STARD13: variants seen among roughly 807,000 people sequenced by gnomAD.
The protein encoded by STARD13 is stAR-related lipid transfer protein 13.
STARD13 carries 62 observed loss-of-function variants against 106.4 expected under a neutral mutation model. That is an observed-to-expected ratio of 0.58 (90% CI 0.48 to 0.72). The LOEUF (loss-of-function observed/expected upper bound fraction) is 0.72, where lower values mean the gene tolerates loss of function less well. Among genes scored for constraint, STARD13 ranks in the 30% least tolerant of loss-of-function variants. The probability of loss-of-function intolerance (pLI) is 0.00; values close to 1 mark genes in which losing one functional copy is unlikely to be tolerated. For missense variants in STARD13, 1,387 were observed against 1,424.0 expected, an observed-to-expected ratio of 0.97 and a Z score of 0.42; for synonymous variants, 565 against 553.0, an observed-to-expected ratio of 1.02 and a Z score of -0.31.
intron 1 of STARD13, among the ~76,000 whole-genome samples, chr13:33,206,291 AG>A (rs1375622540): frequency 1.3e-5 from 2 of 151,998 alleles, no homozygotes; most frequent in Non-Finnish European, 2.9e-5. Context: ...CTTCACAGGA[AG>A]GGAAGAAGTG....
chr13:33,123,019 G>A (rs1212543610), intron 7 of STARD13, among the ~76,000 whole-genome samples: 2 of 120,654 alleles, frequency 1.7e-5, no homozygotes, highest in Non-Finnish European at 3.2e-5. Flanking sequence ...TCGTGCCACT[G>A]CACTCCAGCC....
At chr13:33,541,009 G>A in the STARD13 span, among the ~76,000 whole-genome samples, 60 of 152,222 alleles carry the variant, frequency 3.9e-4, 1 homozygote, top group Admixed American at 3.5e-3. Context: ...TAAGAGTTGA[G>A]GATATTTGCA....
chr13:33,184,187 T>C (rs1885530391), intron 1 of STARD13, among the ~76,000 whole-genome samples: 1 of 152,210 alleles, frequency 6.6e-6, no homozygotes, highest in African/African-American at 2.4e-5. Flanking sequence ...CTATGATCTC[T>C]GGCCATCTTG....
the STARD13 span, among the ~76,000 whole-genome samples, chr13:33,387,408 G>A: frequency 1.3e-5 from 2 of 152,298 alleles, no homozygotes; most frequent in South Asian, 4.1e-4. Context: ...TCTAGTCTGT[G>A]CCCATGTTTG....
At chr13:33,601,227 T>C in the STARD13 span, among the ~76,000 whole-genome samples, 3 of 151,990 alleles carry the variant, frequency 2.0e-5, no homozygotes, top group Non-Finnish European at 2.9e-5. Context: ...TTTTTTTTTT[T>C]CTGCTGTGGC....
At chr13:33,556,017 T>C in the STARD13 span, among the ~76,000 whole-genome samples, 2 of 152,214 alleles carry the variant, frequency 1.3e-5, no homozygotes, top group Non-Finnish European at 2.9e-5. Flanking sequence ...CAGGGCTCTT[T>C]AGCTAGTGAA....
chr13:33,135,865 G>C (rs1566015218), intron 4 of STARD13, among the ~76,000 whole-genome samples: 1 of 152,198 alleles, frequency 6.6e-6, no homozygotes, highest in Admixed American at 6.5e-5. Context: ...GCTCATGCCT[G>C]TAATCCCAGC....
intron 1 of STARD13, among the ~76,000 whole-genome samples, chr13:33,217,734 A>G (rs1009199429): frequency 1.3e-5 from 2 of 152,156 alleles, no homozygotes; most frequent in East Asian, 3.9e-4. Context: ...AGAAATAAAC[A>G]CCTTCATGAA....
chr13:33,347,348 G>T (rs747858241), downstream of STARD13, among the ~76,000 whole-genome samples: 1 of 152,134 alleles, frequency 6.6e-6, no homozygotes, highest in Non-Finnish European at 1.5e-5. Flanking sequence ...TGATTCTCAT[G>T]CCTCAGCCTC....
chr13:33,274,536 C>T (rs966837771), intron 1 of STARD13, among the ~76,000 whole-genome samples: 1 of 152,204 alleles, frequency 6.6e-6, no homozygotes, highest in African/African-American at 2.4e-5. Context: ...TCATTCAAAG[C>T]ATTACCATGT....
the STARD13 span, among the ~76,000 whole-genome samples, chr13:33,660,196 G>A: frequency 6.6e-6 from 1 of 152,142 alleles, no homozygotes. Flanking sequence ...TGTACTTGTG[G>A]GGGTTTTCTT....
chr13:33,272,659 C>G (rs1891219660), intron 1 of STARD13: 1 of 152,068 alleles, frequency 6.6e-6, no homozygotes, highest in Admixed American at 6.6e-5. Flanking sequence ...ATTCAAGCAG[C>G]CTGAAGGAAA....
chr13:33,111,610 T>C (rs1263992411), intron 10 of STARD13, among the ~76,000 whole-genome samples, 168 bp downstream of exon 10: 1 of 152,236 alleles, frequency 6.6e-6, no homozygotes, highest in Non-Finnish European at 1.5e-5. Flanking sequence ...CTCAATTGTA[T>C]AGCTAGCTCC....
At chr13:33,345,862 G>C (rs1309591294), downstream of STARD13, among the ~76,000 whole-genome samples, 5 of 152,146 alleles carry the variant, frequency 3.3e-5, no homozygotes, top group Middle Eastern at 0.017. Context: ...GAAAAAAAAA[G>C]GTCTTGCTTT....
intron 1 of STARD13, among the ~76,000 whole-genome samples, chr13:33,212,339 T>C (rs1398247987): frequency 1.3e-5 from 2 of 152,238 alleles, no homozygotes; most frequent in Non-Finnish European, 1.5e-5. Context: ...CTTTAGCATA[T>C]GTGCAGATAT....
chr13:33,365,153 A>G, the STARD13 span, among the ~76,000 whole-genome samples: 4 of 152,118 alleles, frequency 2.6e-5, no homozygotes, highest in Non-Finnish European at 5.9e-5. Flanking sequence ...CAAGCAGTAA[A>G]GGTCCTGGGT....
chr13:33,467,736 A>G, the STARD13 span, among the ~76,000 whole-genome samples: 1 of 152,194 alleles, frequency 6.6e-6, no homozygotes, highest in Admixed American at 6.5e-5. Flanking sequence ...TGTACTACCT[A>G]TCTTAACCTT....
intron 4 of STARD13, 54 bp downstream of exon 4, chr13:33,142,256 A>G: frequency 1.5e-6 from 2 of 1,378,164 alleles, no homozygotes; most frequent in Non-Finnish European, 2.1e-6. Context: ...ATTGATCTCA[A>G]ACTCCTGGCA....
At chr13:33,433,541 C>T in the STARD13 span, among the ~76,000 whole-genome samples, 6,911 of 152,158 alleles carry the variant, frequency 0.045, 507 homozygotes, top group African/African-American at 0.16. Flanking sequence ...CGTCACGTTC[C>T]GCCTTCCATC....
Sources: gnomAD v4.1 joint callset for allele counts (sites outside exome capture counted in the v4.1 genomes callset) on GRCh38, gnomAD v4.1.1 for gene constraint, MANE v1.5 for transcripts, NCBI Gene and HGNC (gene_info 2026-07-23, HGNC 2026-07-21) for gene names.